Variants in TMEM117 observed in about 807,000 individuals in gnomAD.
TMEM117 encodes the protein transmembrane protein 117.
TMEM117 carries 27 observed loss-of-function variants against 52.4 expected under a neutral mutation model. The observed-to-expected ratio is 0.51, with a 90% CI of 0.38 to 0.71. The LOEUF (loss-of-function observed/expected upper bound fraction) is 0.71, where lower values mean the gene tolerates loss of function less well. Ranked by LOEUF, TMEM117 falls within the 30% of genes least tolerant of loss-of-function variation. The probability of loss-of-function intolerance (pLI) is 0.00; values close to 1 mark genes in which losing one functional copy is unlikely to be tolerated. For synonymous variants in TMEM117, 215 were observed against 206.3 expected, an observed-to-expected ratio of 1.04 and a Z score of -0.36; for missense variants, 556 against 630.5, an observed-to-expected ratio of 0.88 and a Z score of 1.26.
At chr12:43,823,103 T>C in the TMEM117 span, among the ~76,000 whole-genome samples, 1 of 152,220 alleles carries the variant, frequency 6.6e-6, no homozygotes, top group African/African-American at 2.4e-5. Flanking sequence ...AGAAATTTTA[T>C]TATAAAAATT....
At chr12:44,343,214 A>G (rs1156370384) in intron 6 of TMEM117, among the ~76,000 whole-genome samples, 1 of 152,004 alleles carries the variant, frequency 6.6e-6, no homozygotes, top group Non-Finnish European at 1.5e-5. Flanking sequence ...TGGCCTCCCA[A>G]AGTGCTGGGA....
At chr12:44,097,713 TGTG>T (rs1286162482) in intron 3 of TMEM117, among the ~76,000 whole-genome samples, 1 of 114,220 alleles carries the variant, frequency 8.8e-6, no homozygotes, top group African/African-American at 4.1e-5. Flanking sequence ...TGTGGACTGT[TGTG>T]GGGTGGGGGG....
At chr12:44,093,944 G>C (rs1432722410) in intron 3 of TMEM117, among the ~76,000 whole-genome samples, 2 of 151,948 alleles carry the variant, frequency 1.3e-5, no homozygotes, top group African/African-American at 4.8e-5. Context: ...ATTTAATATT[G>C]TTAATTTACT....
At chr12:44,073,155 C>G (rs956654422) in intron 3 of TMEM117, among the ~76,000 whole-genome samples, 1 of 151,652 alleles carries the variant, frequency 6.6e-6, no homozygotes, top group African/African-American at 2.4e-5. Context: ...AAACCTTTAG[C>G]ATTTGCTTCC....
chr12:44,273,229 A>AG (rs1950470572), intron 5 of TMEM117, among the ~76,000 whole-genome samples: 1 of 150,858 alleles, frequency 6.6e-6, no homozygotes. Flanking sequence ...TGTGGGGTGG[A>AG]GGTGGGGGGA....
intron 5 of TMEM117, among the ~76,000 whole-genome samples, chr12:44,277,650 A>G (rs898332907): frequency 2.0e-5 from 3 of 151,786 alleles, no homozygotes; most frequent in African/African-American, 7.3e-5. Context: ...GGCTGCTGTC[A>G]GCTCCCAGAG....
chr12:44,202,289 T>C (rs943766492), intron 4 of TMEM117, among the ~76,000 whole-genome samples: 3 of 152,156 alleles, frequency 2.0e-5, no homozygotes, highest in African/African-American at 7.2e-5. Flanking sequence ...TTTAGAAGAA[T>C]GCACATAAAA....
chr12:44,375,015 T>TATTATC (rs1408965493), intron 6 of TMEM117, among the ~76,000 whole-genome samples: 2 of 152,096 alleles, frequency 1.3e-5, no homozygotes, highest in Non-Finnish European at 2.9e-5. Context: ...TGTCTATTAT[T>TATTATC]ATTATCATTA....
intron 3 of TMEM117, among the ~76,000 whole-genome samples, chr12:44,018,426 G>T (rs1946404924): frequency 6.6e-6 from 1 of 152,114 alleles, no homozygotes; most frequent in South Asian, 2.1e-4. Context: ...ATAAAAACAT[G>T]TAAAATCTCT....
At chr12:43,989,769 T>C (rs910842880) in intron 3 of TMEM117, among the ~76,000 whole-genome samples, 1 of 152,148 alleles carries the variant, frequency 6.6e-6, no homozygotes, top group Non-Finnish European at 1.5e-5. Context: ...TAATTATTGT[T>C]ATTATTTTAA....
intron 5 of TMEM117, among the ~76,000 whole-genome samples, chr12:44,289,419 T>C (rs1950675232): frequency 6.6e-6 from 1 of 152,142 alleles, no homozygotes. Context: ...GAAGTGGATT[T>C]GCTGGATTGT....
chr12:44,285,407 A>AT (rs1246945912), intron 5 of TMEM117, among the ~76,000 whole-genome samples: 1 of 152,224 alleles, frequency 6.6e-6, no homozygotes, highest in Non-Finnish European at 1.5e-5. Context: ...TCATAACTGC[A>AT]TCTCCGTTCT....
At chr12:43,840,122 G>A (rs541097181) in intron 1 of TMEM117, among the ~76,000 whole-genome samples, 9 of 152,074 alleles carry the variant, frequency 5.9e-5, no homozygotes, top group South Asian at 2.1e-4. Flanking sequence ...TCTAACTAAC[G>A]TAAAGGGTAA....
At chr12:43,959,833 A>G (rs1010289246) in intron 3 of TMEM117, among the ~76,000 whole-genome samples, 3 of 152,238 alleles carry the variant, frequency 2.0e-5, no homozygotes, top group African/African-American at 7.2e-5. Flanking sequence ...ACCTAAACTG[A>G]TGAAACTATT....
chr12:43,822,862 ACTG>A, the TMEM117 span, among the ~76,000 whole-genome samples: 2 of 151,852 alleles, frequency 1.3e-5, no homozygotes, highest in South Asian at 4.2e-4. Context: ...AGATTATGCC[ACTG>A]CACTACAGCC....
chr12:43,992,376 T>A (rs1945957232), intron 3 of TMEM117, among the ~76,000 whole-genome samples: 1 of 151,568 alleles, frequency 6.6e-6, no homozygotes, highest in Non-Finnish European at 1.5e-5. Flanking sequence ...TCAAGTGATC[T>A]CCCACCTCAG....
intron 5 of TMEM117, among the ~76,000 whole-genome samples, chr12:44,295,681 T>C (rs1950759648): frequency 6.6e-6 from 1 of 152,108 alleles, no homozygotes; most frequent in African/African-American, 2.4e-5. Context: ...ATTTCTGTTT[T>C]TTTTTTTATG....
At chr12:44,241,812 C>G (rs1377111682) in intron 5 of TMEM117, among the ~76,000 whole-genome samples, 1 of 151,940 alleles carries the variant, frequency 6.6e-6, no homozygotes, top group African/African-American at 2.4e-5. Context: ...AATCTCTGGA[C>G]TTCCTAGTCT....
intron 6 of TMEM117, among the ~76,000 whole-genome samples, chr12:44,361,738 A>G (rs1951723737): frequency 6.6e-6 from 1 of 152,150 alleles, no homozygotes; most frequent in Non-Finnish European, 1.5e-5. Context: ...GCTGTAATAG[A>G]AGATTCTTTG....
Sources: allele counts gnomAD v4.1 joint callset (sites outside exome capture counted in the v4.1 genomes callset), GRCh38; gene constraint gnomAD v4.1.1; transcripts MANE v1.5; gene names NCBI Gene and HGNC (gene_info 2026-07-23, HGNC 2026-07-21).